CTNNA2: variants seen among roughly 807,000 people sequenced by gnomAD.
The protein encoded by CTNNA2 is catenin alpha 2.
Under a neutral mutation model 101.0 loss-of-function variants are expected in CTNNA2, and 42 were observed. That is an observed-to-expected ratio of 0.42 (90% CI 0.32 to 0.54). CTNNA2 has a LOEUF of 0.54. Among genes scored for constraint, CTNNA2 ranks in the 20% least tolerant of loss-of-function variants. CTNNA2 has a pLI of 0.14. For missense variants in CTNNA2, 871 were observed against 1,223.1 expected (o/e 0.71, Z 4.29); for synonymous variants, 450 against 456.4 (o/e 0.99, Z 0.18).
intron 9 of CTNNA2, among the ~76,000 whole-genome samples, chr2:80,444,605 A>G (rs1052880955): frequency 6.6e-6 from 1 of 152,184 alleles, no homozygotes; most frequent in Non-Finnish European, 1.5e-5. Context: ...CCCCAGCATG[A>G]TCATACATGG....
intron 2 of CTNNA2, among the ~76,000 whole-genome samples, chr2:79,233,157 T>C (rs1300421819): frequency 6.6e-6 from 1 of 152,210 alleles, no homozygotes; most frequent in African/African-American, 2.4e-5. Context: ...AAGTAGTTAA[T>C]TTGAGAACTT....
chr2:80,344,187 CA>C (rs1217397575), intron 7 of CTNNA2, among the ~76,000 whole-genome samples: 1 of 152,126 alleles, frequency 6.6e-6, no homozygotes, highest in Non-Finnish European at 1.5e-5. Context: ...CCGGAACTCA[CA>C]AGCTCCTGAT....
At chr2:79,607,434 A>G (rs2104154401) in intron 1 of CTNNA2, among the ~76,000 whole-genome samples, 1 of 152,304 alleles carries the variant, frequency 6.6e-6, no homozygotes, top group African/African-American at 2.4e-5. Flanking sequence ...ACTCCACTCA[A>G]TAACTGCAGA....
intron 9 of CTNNA2, among the ~76,000 whole-genome samples, chr2:80,452,470 T>TA (rs74851381): frequency 0.28 from 42,643 of 151,368 alleles, 7,532 homozygotes; most frequent in East Asian, 0.67. Context: ...AAATTCCATC[T>TA]GTTTCCTAAA....
chr2:79,257,920 C>T (rs1674869902), intron 2 of CTNNA2, among the ~76,000 whole-genome samples: 1 of 152,134 alleles, frequency 6.6e-6, no homozygotes, highest in Non-Finnish European at 1.5e-5. Context: ...ATCCCCCTTG[C>T]CCCCTCCTAG....
chr2:79,305,707 A>G (rs1676224044), intron 2 of CTNNA2, among the ~76,000 whole-genome samples: 1 of 152,140 alleles, frequency 6.6e-6, no homozygotes, highest in Non-Finnish European at 1.5e-5. Flanking sequence ...CTATAGATAG[A>G]TAGAAATTTA....
At chr2:79,833,989 TTAAC>T (rs1486725537) in intron 3 of CTNNA2, among the ~76,000 whole-genome samples, 5 of 152,210 alleles carry the variant, frequency 3.3e-5, no homozygotes, top group South Asian at 2.1e-4. Flanking sequence ...GACACATAAA[TTAAC>T]TATTTTCTTA....
At chr2:80,467,803 G>A (rs1572962979) in intron 9 of CTNNA2, among the ~76,000 whole-genome samples, 1 of 152,114 alleles carries the variant, frequency 6.6e-6, no homozygotes, top group East Asian at 1.9e-4. Flanking sequence ...ACCTGAGGGA[G>A]CTTGTTTGCC....
intron 7 of CTNNA2, among the ~76,000 whole-genome samples, chr2:80,351,625 C>T (rs1559034697): frequency 6.6e-6 from 1 of 152,056 alleles, no homozygotes. Context: ...ATTTAATTTG[C>T]TTTAACATGC....
intron 7 of CTNNA2, among the ~76,000 whole-genome samples, chr2:80,047,564 TC>T (rs1696610148): frequency 6.6e-6 from 1 of 152,158 alleles, no homozygotes; most frequent in African/African-American, 2.4e-5. Context: ...TTGGATATTC[TC>T]CAGTGTATGC....
intron 7 of CTNNA2, among the ~76,000 whole-genome samples, chr2:79,989,468 AAC>A (rs1273422178): frequency 6.6e-6 from 1 of 152,128 alleles, no homozygotes; most frequent in Non-Finnish European, 1.5e-5. Context: ...TACAAAAACA[AAC>A]AAACAAACAA....
At chr2:80,361,966 A>C (rs1468181280) in intron 7 of CTNNA2, among the ~76,000 whole-genome samples, 2 of 152,190 alleles carry the variant, frequency 1.3e-5, no homozygotes, top group African/African-American at 4.8e-5. Context: ...AACTATAACT[A>C]GTCCTCTAGT....
At position 79,619,075 on chromosome 2, in the gene CTNNA2, G is replaced by A. The variant is rs571974737; in HGVS notation, c.-5-32477G>A. Among the ~76,000 whole-genome samples, 14 of 152,188 alleles carry A rather than the reference G, an allele frequency of 9.2e-5. No homozygotes were observed. The South Asian group carries it at 2.1e-3, about 23-fold the overall frequency. On this transcript the variant is annotated intron_variant, in intron 1 of 18. Coordinates refer to ENST00000402739, the MANE Select transcript of CTNNA2 (RefSeq NM_001282597.3). ...ACGAAAATTAGCTGGGCGTGGTGGC[G>A]GGCGCCTATAATCCCAGCTAGTTGG...
chr2:80,615,666 A>G (rs1298959071), intron 17 of CTNNA2, among the ~76,000 whole-genome samples: 4 of 151,668 alleles, frequency 2.6e-5, no homozygotes, highest in South Asian at 4.1e-4. Context: ...GCTAGAAATA[A>G]AAGTGTGTTT....
chr2:80,059,013 C>T (rs774548217), intron 7 of CTNNA2, among the ~76,000 whole-genome samples: 12 of 152,188 alleles, frequency 7.9e-5, no homozygotes, highest in Non-Finnish European at 1.8e-4. Context: ...TTTTCTTCTG[C>T]TTTTTGCTCT....
At chr2:79,600,370 G>A (rs979332950) in intron 1 of CTNNA2, among the ~76,000 whole-genome samples, 6 of 151,896 alleles carry the variant, frequency 4.0e-5, no homozygotes, top group Non-Finnish European at 2.9e-5. Flanking sequence ...TAGAGACAGG[G>A]TTTCGCCCTG....
intron 14 of CTNNA2, among the ~76,000 whole-genome samples, chr2:80,583,599 C>T (rs1488525757): frequency 6.6e-6 from 1 of 152,168 alleles, no homozygotes. Context: ...TACATACAGC[C>T]TAGTATCCAC....
intron 2 of CTNNA2, among the ~76,000 whole-genome samples, chr2:79,311,703 A>C (rs1220247335): frequency 6.6e-6 from 1 of 151,994 alleles, no homozygotes; most frequent in Non-Finnish European, 1.5e-5. Context: ...GGTGCTCCCC[A>C]ATTCTGCCCA....
chr2:80,095,230 C>T (rs976493386), intron 7 of CTNNA2, among the ~76,000 whole-genome samples: 6 of 152,124 alleles, frequency 3.9e-5, no homozygotes, highest in African/African-American at 1.4e-4. Flanking sequence ...TGAATTTTGT[C>T]AAAGGCCTTT....
Sources: allele counts gnomAD v4.1 joint callset (sites outside exome capture counted in the v4.1 genomes callset), GRCh38; gene constraint gnomAD v4.1.1; transcripts MANE v1.5; gene names NCBI Gene and HGNC (gene_info 2026-07-23, HGNC 2026-07-21).